The following MAP3K5 variants were observed in gnomAD, a reference collection of about 807,000 sequenced individuals.
MAP3K5 encodes the protein ASK-1.
In MAP3K5, 56 loss-of-function variants were observed where a neutral mutation model predicts 158.7. The ratio of observed to expected loss-of-function variants is 0.35; its 90% CI spans 0.28 to 0.44. MAP3K5 has a LOEUF of 0.44. Ranked by LOEUF, MAP3K5 falls within the 20% of genes least tolerant of loss-of-function variation. MAP3K5 has a pLI of 1.00. For synonymous variants in MAP3K5, 579 were observed against 601.7 expected (o/e 0.96, Z 0.55); for missense variants, 1,294 against 1,674.8 (o/e 0.77, Z 3.97).
At chr6:136,659,402 A>G (rs763598276) in intron 8 of MAP3K5, 24 bp from the exon 9 acceptor site, 2 of 1,608,914 alleles carry the variant, frequency 1.2e-6, no homozygotes, top group East Asian at 2.2e-5. Flanking sequence ...AGGAAGTAGA[A>G]TGTTACAAAT....
chr6:136,673,265 C>T (rs1207791451), intron 7 of MAP3K5, among the ~76,000 whole-genome samples: 2 of 152,122 alleles, frequency 1.3e-5, no homozygotes, highest in Non-Finnish European at 2.9e-5. Context: ...GCTTCTTACC[C>T]TATCTGGCTA....
intron 2 of MAP3K5, among the ~76,000 whole-genome samples, 188 bp downstream of exon 2, chr6:136,720,262 T>C (rs1781694917): frequency 1.3e-5 from 2 of 152,204 alleles, no homozygotes; most frequent in South Asian, 4.1e-4. Flanking sequence ...ACTTTTTTCC[T>C]ACTCGTGTCA....
chr6:136,738,436 T>C (rs1782567682), intron 1 of MAP3K5, among the ~76,000 whole-genome samples: 1 of 152,090 alleles, frequency 6.6e-6, no homozygotes, highest in Admixed American at 6.5e-5. Flanking sequence ...GGAGACAGCT[T>C]CTAATTCACA....
At chr6:136,637,093 T>C in intron 14 of MAP3K5, 3 of 1,383,262 alleles carry the variant, frequency 2.2e-6, no homozygotes, top group Non-Finnish European at 2.8e-6. Flanking sequence ...GCATAGTTAC[T>C]CGCTATCAGG....
At chr6:136,653,174 A>G (rs974118173) in intron 10 of MAP3K5, among the ~76,000 whole-genome samples, 1 of 152,198 alleles carries the variant, frequency 6.6e-6, no homozygotes, top group Non-Finnish European at 1.5e-5. Context: ...GATGGTCTCC[A>G]AACTTTTCAA....
chr6:136,654,716 G>A (rs1440751306), intron 10 of MAP3K5, among the ~76,000 whole-genome samples: 1 of 152,068 alleles, frequency 6.6e-6, no homozygotes, highest in East Asian at 1.9e-4. Context: ...AAAGTGCTGG[G>A]ATTACAAGTA....
In MAP3K5 at chr6:136,558,848, T is replaced by C; in HGVS notation, c.4016A>G (p.Asp1339Gly). 6.2e-7 allele frequency: 1 copy of C among 1,602,082 alleles called. No homozygotes were observed. Among genetic ancestry groups the C allele is most frequent in the South Asian group, 1.1e-5 (1 of 90,328 alleles). Residue 1339 changes from aspartate (D) to glycine (G), a missense_variant, in exon 29 of 30, where the codon GAT becomes GGT. This residue lies in a region of MAP3K5 where 199 missense variants were observed against 220.3 expected (regional missense o/e 0.90). Transcript: ENST00000359015. Reference sequence around the variant, plus strand: ...ATCACGTGTAACATAGTAGAGAACATCCAATAGTGTATAATCTTCAGCCAA... The same window carrying C: ...ATCACGTGTAACATAGTAGAGAACACCCAATAGTGTATAATCTTCAGCCAA... ...RFLAEDYTLL[D>G]VLYYVTRDDL...
chr6:136,740,896 C>A (rs1343074640), intron 1 of MAP3K5, among the ~76,000 whole-genome samples: 1 of 152,088 alleles, frequency 6.6e-6, no homozygotes, highest in Non-Finnish European at 1.5e-5. Flanking sequence ...CTGCTCTGTA[C>A]GAGAGCTAGA....
chr6:136,586,533 C>A (rs1437834686), intron 23 of MAP3K5, among the ~76,000 whole-genome samples: 1 of 152,190 alleles, frequency 6.6e-6, no homozygotes, highest in Non-Finnish European at 1.5e-5. Context: ...CACTCATGTG[C>A]CTTCAAAAAC....
At chr6:136,660,309 C>T (rs1456786422) in intron 8 of MAP3K5, among the ~76,000 whole-genome samples, 5 of 151,852 alleles carry the variant, frequency 3.3e-5, no homozygotes, top group Admixed American at 1.3e-4. Flanking sequence ...CCCAGCACTT[C>T]GGAGGGCCGA....
At chr6:136,760,119 C>G (rs1211155768) in intron 1 of MAP3K5, among the ~76,000 whole-genome samples, 1 of 152,172 alleles carries the variant, frequency 6.6e-6, no homozygotes, top group African/African-American at 2.4e-5. Flanking sequence ...GTTGATTTGT[C>G]CTCTGTCATC....
At chr6:136,591,870 A>G (rs973135753) in intron 23 of MAP3K5, among the ~76,000 whole-genome samples, 2 of 152,254 alleles carry the variant, frequency 1.3e-5, no homozygotes, top group Non-Finnish European at 2.9e-5. Context: ...ATGAATAAAC[A>G]AATGAATGAA....
chr6:136,661,786 T>G (rs979486348), intron 8 of MAP3K5, among the ~76,000 whole-genome samples: 2 of 152,132 alleles, frequency 1.3e-5, no homozygotes, highest in Non-Finnish European at 2.9e-5. Context: ...AGCAGTCCTC[T>G]CGCCTTGGCC....
intron 15 of MAP3K5, among the ~76,000 whole-genome samples, chr6:136,616,121 T>A (rs1200462945): frequency 6.6e-6 from 1 of 152,160 alleles, no homozygotes; most frequent in Non-Finnish European, 1.5e-5. Flanking sequence ...TTTAATAGTA[T>A]ACCAGTTAGA....
intron 10 of MAP3K5, 84 bp from the exon 11 acceptor site, chr6:136,651,175 G>A (rs1432963680): frequency 9.1e-6 from 6 of 657,464 alleles, no homozygotes; most frequent in Middle Eastern, 3.9e-4. Context: ...CAGCACCAAC[G>A]TAGAGGATTA....
chr6:136,611,239 T>C lies in MAP3K5; in HGVS notation c.2521+43A>G, dbSNP rs765597287. 73 of 1,231,984 alleles carry C rather than the reference T, an allele frequency of 5.9e-5. No individual in the cohort carries two copies. In the East Asian group the frequency reaches 1.7e-3, roughly 28 times the overall value. 76.3% of individuals were successfully genotyped at this position (1,231,984 alleles called of 1,614,324 possible). On this transcript the variant is annotated intron_variant, in intron 18 of 29. Coordinates refer to ENST00000359015, the MANE Select transcript of MAP3K5 (RefSeq NM_005923.4). ...ATTGTGCTCAAACTCAGCAATTATT[T>C]CTTTAATTACATAAGATCTGTATCA...
intron 24 of MAP3K5, 48 bp downstream of exon 24, chr6:136,583,507 T>C: frequency 4.7e-6 from 7 of 1,480,222 alleles, no homozygotes; most frequent in Non-Finnish European, 6.4e-6. Context: ...CTTATTTTTC[T>C]AACTAATTTT....
intron 1 of MAP3K5, among the ~76,000 whole-genome samples, chr6:136,760,770 G>C (rs1783714800): frequency 6.6e-6 from 1 of 152,196 alleles, no homozygotes; most frequent in Non-Finnish European, 1.5e-5. Context: ...AGGAGTTCCA[G>C]ACCAGGCTGG....
intron 1 of MAP3K5, among the ~76,000 whole-genome samples, chr6:136,766,510 C>T (rs1057342739): frequency 1.3e-5 from 2 of 152,152 alleles, no homozygotes; most frequent in African/African-American, 4.8e-5. Flanking sequence ...ACCAGACATA[C>T]CAGCCAACAA....
Sources: gnomAD v4.1 joint callset for allele counts (sites outside exome capture counted in the v4.1 genomes callset) on GRCh38, gnomAD v4.1.1 for gene constraint, gnomAD v4.1.1 regional missense constraint, MANE v1.5 for transcripts, NCBI Gene and HGNC (gene_info 2026-07-23, HGNC 2026-07-21) for gene names.